The following C1orf105 variants were observed in gnomAD, a reference collection of about 807,000 sequenced individuals.
The protein encoded by C1orf105 is uncharacterized protein C1orf105.
In C1orf105, 17 loss-of-function variants were observed where a neutral mutation model predicts 20.8. That is an observed-to-expected ratio of 0.82 (90% CI 0.56 to 1.23). The LOEUF is 1.23. C1orf105 is among the 50% of genes most tolerant of loss of function. C1orf105 has a pLI of 0.00. For synonymous variants in C1orf105, 72 were observed against 72.1 expected (o/e 1.00, Z 0.01); for missense variants, 219 against 213.5 (o/e 1.03, Z -0.16).
chr1:172,460,226 G>A (rs1363407800), intron 4 of C1orf105, among the ~76,000 whole-genome samples: 2 of 152,256 alleles, frequency 1.3e-5, no homozygotes, highest in South Asian at 2.1e-4. Flanking sequence ...AAAGAAATTA[G>A]CACTAAATAA....
intron 1 of C1orf105, 91 bp from the exon 2 acceptor site, chr1:172,444,982 A>G (rs1052729225): frequency 1.8e-5 from 18 of 1,001,128 alleles, no homozygotes; most frequent in Non-Finnish European, 2.6e-5. Flanking sequence ...AGTGTTCACT[A>G]TATGGCTGCT....
chr1:172,448,418 G>A (rs16844474), intron 2 of C1orf105, 23 bp from the exon 3 acceptor site: 93,933 of 1,522,432 alleles, frequency 0.062, 3,146 homozygotes, highest in Middle Eastern at 0.11. Flanking sequence ...CGGTTCTAAC[G>A]TTCTCTTGTT....
intron 3 of C1orf105, among the ~76,000 whole-genome samples, chr1:172,453,702 GT>G (rs1210619610): frequency 1.3e-5 from 2 of 152,156 alleles, no homozygotes; most frequent in Non-Finnish European, 2.9e-5. Context: ...TCTCAGCCCG[GT>G]GGAGGAAATA....
intron 6 of C1orf105, among the ~76,000 whole-genome samples, chr1:172,468,046 TG>T (rs760313582): frequency 6.6e-6 from 1 of 152,208 alleles, no homozygotes; most frequent in Non-Finnish European, 1.5e-5. Context: ...ACTATATATG[TG>T]TCCCTGAAAA....
chr1:172,431,642 C>G (rs915142199), intron 1 of C1orf105, among the ~76,000 whole-genome samples: 4 of 152,340 alleles, frequency 2.6e-5, no homozygotes, highest in African/African-American at 9.6e-5. Context: ...CAAATAGGAA[C>G]AGCTCCAGTC....
intron 1 of C1orf105, among the ~76,000 whole-genome samples, chr1:172,438,427 A>G (rs996118383): frequency 2.6e-5 from 4 of 152,232 alleles, no homozygotes; most frequent in African/African-American, 9.6e-5. Flanking sequence ...TCGAGACTTC[A>G]GCGGAGCAAA....
At chr1:172,456,556 A>G (rs1289376795) in intron 4 of C1orf105, 67 bp downstream of exon 4, 3 of 1,488,746 alleles carry the variant, frequency 2.0e-6, no homozygotes, top group Non-Finnish European at 2.8e-6. Flanking sequence ...TTCCCAGCCA[A>G]GCCCTGTGGG....
intron 1 of C1orf105, chr1:172,441,776 A>C: frequency 6.3e-7 from 1 of 1,594,592 alleles, no homozygotes; most frequent in Non-Finnish European, 8.5e-7. Flanking sequence ...GCTTCATCCC[A>C]AGGCCCATGA....
chr1:172,438,554 G>A (rs529776077), intron 1 of C1orf105, among the ~76,000 whole-genome samples: 2 of 152,264 alleles, frequency 1.3e-5, no homozygotes, highest in African/African-American at 4.8e-5. Context: ...ACTATGAGTA[G>A]CAAGAAAAGT....
At chr1:172,438,977 AT>A (rs1328608318) in intron 1 of C1orf105, among the ~76,000 whole-genome samples, 1 of 152,212 alleles carries the variant, frequency 6.6e-6, no homozygotes, top group Non-Finnish European at 1.5e-5. Context: ...GGGTATGCAT[AT>A]TTTTTAGACA....
chr1:172,426,446 G>A (rs1310449045), intron 1 of C1orf105, among the ~76,000 whole-genome samples: 1 of 152,000 alleles, frequency 6.6e-6, no homozygotes, highest in Non-Finnish European at 1.5e-5. Flanking sequence ...TTTAGCTCCT[G>A]TTTCAATGTC....
chr1:172,463,217 A>G (rs886338345), intron 5 of C1orf105, among the ~76,000 whole-genome samples: 1 of 152,236 alleles, frequency 6.6e-6, no homozygotes, highest in Non-Finnish European at 1.5e-5. Flanking sequence ...ATTGCAATAG[A>G]TGGTTGGAAA....
chr1:172,439,158 G>A (rs79719811), intron 1 of C1orf105, among the ~76,000 whole-genome samples: 2 of 152,134 alleles, frequency 1.3e-5, no homozygotes, highest in East Asian at 3.9e-4. Context: ...ACAGATATTG[G>A]TGCACATATA....
chr1:172,429,413 T>C (rs183327180), intron 1 of C1orf105, among the ~76,000 whole-genome samples: 255 of 152,324 alleles, frequency 1.7e-3, no homozygotes, highest in Non-Finnish European at 2.8e-3. Context: ...GTGTAGTTAT[T>C]TCCCAAACCA....
chr1:172,431,780 C>G (rs1294250294), intron 1 of C1orf105, among the ~76,000 whole-genome samples: 1 of 152,220 alleles, frequency 6.6e-6, no homozygotes, highest in Non-Finnish European at 1.5e-5. Flanking sequence ...CAAAGCAGGG[C>G]GGGGCATCGC....
At chr1:172,435,660 G>A (rs1484870120) in intron 1 of C1orf105, among the ~76,000 whole-genome samples, 1 of 152,162 alleles carries the variant, frequency 6.6e-6, no homozygotes, top group Non-Finnish European at 1.5e-5. Context: ...GCAGAAACTG[G>A]AAGCATTCCC....
chr1:172,431,466 A>G (rs1219983959), intron 1 of C1orf105, among the ~76,000 whole-genome samples: 1 of 152,354 alleles, frequency 6.6e-6, no homozygotes, highest in South Asian at 2.1e-4. Context: ...GAAGCTGCAG[A>G]AGAAAGGTTT....
In C1orf105 at chr1:172,442,398, C is replaced by T. The variant is rs1317534765; in HGVS notation, c.22-2675C>T. On this transcript the variant is annotated intron_variant, in intron 1 of 6. Coordinates refer to ENST00000367727, the MANE Select transcript of C1orf105 (RefSeq NM_139240.4). ...AATGGGGGGCCAGAAGACCCTCATC[C>T]ATATACCACCAGATAACCACAAAAA... 7.4e-6 allele frequency: 12 copies of T among 1,613,896 alleles called. No homozygotes were observed. The Admixed American group carries it at 1.8e-4, about 25-fold the overall frequency.
intron 1 of C1orf105, among the ~76,000 whole-genome samples, chr1:172,430,838 T>A (rs1470619699): frequency 1.7e-4 from 25 of 151,158 alleles, no homozygotes; most frequent in Non-Finnish European, 3.5e-4. Flanking sequence ...CACTTTGTGT[T>A]CCTGTGTCAC....
Sources: gnomAD v4.1 joint callset for allele counts (sites outside exome capture counted in the v4.1 genomes callset) on GRCh38, gnomAD v4.1.1 for gene constraint, MANE v1.5 for transcripts, NCBI Gene and HGNC (gene_info 2026-07-23, HGNC 2026-07-21) for gene names.